The following GRIN3A variants were observed in gnomAD, a reference collection of about 807,000 sequenced individuals.
GRIN3A encodes glutamate ionotropic receptor NMDA type subunit 3A, also known as glutamate receptor ionotropic, NMDA 3A.
In GRIN3A, 47 loss-of-function variants were observed where a neutral mutation model predicts 92.4. The observed-to-expected ratio is 0.51, with a 90% CI of 0.40 to 0.65. The LOEUF (loss-of-function observed/expected upper bound fraction) is 0.65, where lower values mean the gene tolerates loss of function less well. Among genes scored for constraint, GRIN3A ranks in the 30% least tolerant of loss-of-function variants. The pLI is 0.00. For missense variants in GRIN3A, 1,324 were observed against 1,393.1 expected (o/e 0.95, Z 0.79); for synonymous variants, 527 against 540.6 (o/e 0.97, Z 0.35).
intron 1 of GRIN3A, among the ~76,000 whole-genome samples, chr9:101,736,949 C>T (rs1177320081): frequency 6.6e-6 from 1 of 152,168 alleles, no homozygotes; most frequent in Admixed American, 6.5e-5. Context: ...CTCCACGGTC[C>T]TGAACCTCGA....
chr9:101,577,252 G>C (rs1827837465), intron 8 of GRIN3A, among the ~76,000 whole-genome samples: 1 of 152,158 alleles, frequency 6.6e-6, no homozygotes, highest in South Asian at 2.1e-4. Flanking sequence ...CTAGAAAGGA[G>C]TAGGGAGTGG....
In GRIN3A at chr9:101,737,833, C is replaced by A. The variant is rs1399791926; in HGVS notation, c.147G>T (p.Arg49Ser). 4.6e-6 allele frequency: 7 copies of A among 1,532,830 alleles called. No individual in the cohort carries two copies. The highest frequency in any genetic ancestry group is 2.7e-5 in the African/African-American group (2 of 72,940). The allele number at this position is 1,532,830 out of a possible 1,614,324, so 95.0% of individuals were successfully genotyped here. ...QILKRIGHAV[R>S]VGAVHLQPWT... Reference sequence around the variant, plus strand: ...AGGGCTGCAAGTGCACCGCGCCCACCCTCACCGCGTGCCCGATGCGCTTGA... The same window carrying A: ...AGGGCTGCAAGTGCACCGCGCCCACACTCACCGCGTGCCCGATGCGCTTGA... Residue 49 changes from arginine (R) to serine (S), a missense_variant, in exon 1 of 9, where the codon AGG (arginine) becomes AGT (serine). Physicochemically the swap from Arg to Ser is moderately radical, Grantham distance 110. Coordinates refer to ENST00000361820, the MANE Select transcript of GRIN3A (RefSeq NM_133445.3).
At chr9:101,584,347 T>C (rs1191567903) in intron 6 of GRIN3A, among the ~76,000 whole-genome samples, 1 of 152,250 alleles carries the variant, frequency 6.6e-6, no homozygotes, top group Non-Finnish European at 1.5e-5. Context: ...AGCATTTTAT[T>C]GTTAATTTAC....
intron 5 of GRIN3A, 53 bp downstream of exon 5, chr9:101,623,265 G>T: frequency 8.2e-7 from 1 of 1,218,726 alleles, no homozygotes. Context: ...TTTCTAGGTT[G>T]GCAAACTGAG....
chr9:101,693,868 C>T (rs988560685), intron 1 of GRIN3A, among the ~76,000 whole-genome samples: 1 of 152,174 alleles, frequency 6.6e-6, no homozygotes, highest in Non-Finnish European at 1.5e-5. Context: ...TTTGGAAAAG[C>T]TCACCTAAAG....
At chr9:101,725,529 G>A (rs2210992) in intron 1 of GRIN3A, among the ~76,000 whole-genome samples, 108,610 of 152,100 alleles carry the variant, frequency 0.71, 38,972 homozygotes, top group Middle Eastern at 0.81. Flanking sequence ...AGTATTTTTA[G>A]CTTAAGGTGA....
In GRIN3A at chr9:101,686,957, G is replaced by A. The variant is rs781286567; in HGVS notation, c.943C>T (p.Leu315Phe). 16 of 1,614,208 alleles carry A rather than the reference G, an allele frequency of 9.9e-6. No homozygotes were observed. The East Asian group carries it at 3.1e-4, about 31-fold the overall frequency. Residue 315 changes from leucine (L) to phenylalanine (F), a missense_variant, in exon 2 of 9, where the codon CTT becomes TTT. Leu to Phe is a conservative substitution (Grantham distance 22). Transcript: ENST00000361820. Reference sequence around the variant, plus strand: ...GGTGTGCTGTTCTTAATACTCTCAAGCTGGATCTGTAGGAAGCTCAAGAGG... The same window carrying A: ...GGTGTGCTGTTCTTAATACTCTCAAACTGGATCTGTAGGAAGCTCAAGAGG... Reference protein sequence around the residue: ...QDLLSFLQIQLESIKNSTPTV... With the variant: ...QDLLSFLQIQFESIKNSTPTV...
At chr9:101,695,667 G>A (rs1314805535) in intron 1 of GRIN3A, among the ~76,000 whole-genome samples, 1 of 152,068 alleles carries the variant, frequency 6.6e-6, no homozygotes, top group Middle Eastern at 3.2e-3. Context: ...GTAACTGCTT[G>A]ATAAATATTA....
rs1282758960 is a variant in GRIN3A, at chr9:101,579,299, C to A, written c.2828G>T (p.Gly943Val). 6.2e-7 allele frequency: 1 copy of A among 1,613,956 alleles called. No individual in the cohort carries two copies. The highest frequency in any genetic ancestry group is 2.2e-5 in the East Asian group (1 of 44,878). The change falls in exon 7 of 9, where the codon GGT becomes GTT. Residue 943 changes from glycine to valine, a missense_variant. Transcript: ENST00000361820. Reference protein sequence around the residue: ...GLFVLLCIGFGLSILTTIGEH... With the variant: ...GLFVLLCIGFVLSILTTIGEH... ...ACCAATGGTGGTCAAAATGGACAGA[C>A]CAAATCCAATGCACAGCAGCACAAA... is the stretch of plus-strand genomic sequence containing the variant.
At position 101,628,250 on chromosome 9, in the gene GRIN3A, A is replaced by C; in HGVS notation, c.2498+6T>G. 6.2e-7 allele frequency: 1 copy of C among 1,613,732 alleles called. No individual in the cohort carries two copies. Among genetic ancestry groups the C allele is most frequent in the Non-Finnish European group, 8.5e-7 (1 of 1,179,776 alleles). On this transcript the variant is annotated splice_donor_region_variant and intron_variant, in intron 4 of 8. Transcript: ENST00000361820. ...TTTTCTTTGGATCCAAGAGGTTGACACTCACTTCAGATACTCCACTCCATC... is the reference window on the plus strand; with the variant it reads ...TTTTCTTTGGATCCAAGAGGTTGACCCTCACTTCAGATACTCCACTCCATC...
chr9:101,715,846 A>G (rs765894056), intron 1 of GRIN3A, among the ~76,000 whole-genome samples: 34 of 152,222 alleles, frequency 2.2e-4, no homozygotes, highest in Non-Finnish European at 4.1e-4. Flanking sequence ...AAAAACAAAA[A>G]TTGGAAGGAA....
intron 3 of GRIN3A, among the ~76,000 whole-genome samples, chr9:101,632,494 TGTC>T (rs10581332): frequency 0.39 from 45,505 of 115,362 alleles, 7,631 homozygotes; most frequent in African/African-American, 0.51. Context: ...ATAAATGAAT[TGTC>T]ATCATTATTA....
At chr9:101,616,765 T>G (rs1828460184) in intron 5 of GRIN3A, among the ~76,000 whole-genome samples, 3 of 131,286 alleles carry the variant, frequency 2.3e-5, no homozygotes, top group African/African-American at 5.7e-5. Context: ...GGGGGAGGGA[T>G]AGCATTGGGA....
chr9:101,590,392 A>T (rs867549008), intron 6 of GRIN3A, among the ~76,000 whole-genome samples: 79 of 109,076 alleles, frequency 7.2e-4, no homozygotes, highest in African/African-American at 2.2e-3. Flanking sequence ...TTATTTATTT[A>T]TTTTTTTGAG....
intron 2 of GRIN3A, among the ~76,000 whole-genome samples, chr9:101,683,208 G>A (rs1829484938): frequency 6.6e-6 from 1 of 152,136 alleles, no homozygotes; most frequent in Non-Finnish European, 1.5e-5. Context: ...AGCTGAAAAT[G>A]CCATGTTTTT....
At chr9:101,697,955 A>G (rs921911519) in intron 1 of GRIN3A, among the ~76,000 whole-genome samples, 4 of 152,216 alleles carry the variant, frequency 2.6e-5, no homozygotes, top group African/African-American at 9.6e-5. Flanking sequence ...TGGCTTAGCT[A>G]AAACATGCAC....
chr9:101,692,119 T>A (rs1173920234), intron 1 of GRIN3A, among the ~76,000 whole-genome samples: 1 of 152,154 alleles, frequency 6.6e-6, no homozygotes, highest in East Asian at 1.9e-4. Flanking sequence ...TCCTTCTCCT[T>A]TTTCTTGTCT....
At chr9:101,590,619 A>T (rs1046442946) in intron 6 of GRIN3A, among the ~76,000 whole-genome samples, 3 of 151,986 alleles carry the variant, frequency 2.0e-5, no homozygotes, top group African/African-American at 7.2e-5. Flanking sequence ...TGACCTCGTG[A>T]TCTGCCCGCC....
At chr9:101,633,289 T>C (rs1828737619) in intron 3 of GRIN3A, among the ~76,000 whole-genome samples, 1 of 152,216 alleles carries the variant, frequency 6.6e-6, no homozygotes, top group African/African-American at 2.4e-5. Context: ...ATTATGTTCT[T>C]TGGAGTTGGG....
Sources: gnomAD v4.1 joint callset for allele counts (sites outside exome capture counted in the v4.1 genomes callset) on GRCh38, gnomAD v4.1.1 for gene constraint, MANE v1.5 for transcripts, NCBI Gene and HGNC (gene_info 2026-07-23, HGNC 2026-07-21) for gene names.